RNF152: variants seen among roughly 807,000 people sequenced by gnomAD.
RNF152 encodes ring finger protein 152.
RNF152 carries 11 observed loss-of-function variants against 12.7 expected under a neutral mutation model. That is an observed-to-expected ratio of 0.86 (90% CI 0.54 to 1.43). The LOEUF (loss-of-function observed/expected upper bound fraction) is 1.43, where lower values mean the gene tolerates loss of function less well. RNF152 is among the 40% of genes most tolerant of loss of function. The pLI, the probability that RNF152 is intolerant of heterozygous loss-of-function variation, is 0.00. For missense variants in RNF152, 255 were observed against 274.8 expected (o/e 0.93, Z 0.51); for synonymous variants, 113 against 120.3 (o/e 0.94, Z 0.40).
At chr18:61,818,854 A>G (rs551888657) in intron 1 of RNF152, among the ~76,000 whole-genome samples, 70 of 152,312 alleles carry the variant, frequency 4.6e-4, no homozygotes, top group African/African-American at 1.6e-3. Context: ...TGTAACTAAG[A>G]TCTTGTCATT....
At position 61,816,525 on chromosome 18, in the gene RNF152, C is replaced by A; in HGVS notation, c.-62G>T. On this transcript the variant is annotated 5_prime_UTR_variant, in exon 2 of 2. Coordinates refer to ENST00000312828, the MANE Select transcript of RNF152 (RefSeq NM_173557.3). ...AGGGGAAGGAGCTGCTTCTCAGAGG[C>A]CACCGCCCTGTGTCTTTGCAGTGCA... 6.5e-7 allele frequency: 1 copy of A among 1,542,054 alleles called. No homozygotes were observed. Among genetic ancestry groups the A allele is most frequent in the Admixed American group, 1.8e-5 (1 of 54,494 alleles).
intron 1 of RNF152, among the ~76,000 whole-genome samples, chr18:61,837,282 T>A (rs1910231189): frequency 6.6e-6 from 1 of 152,158 alleles, no homozygotes; most frequent in African/African-American, 2.4e-5. Flanking sequence ...CAAATTTAAT[T>A]CATGAACCAC....
intron 1 of RNF152, among the ~76,000 whole-genome samples, chr18:61,870,120 A>T (rs1174710372): frequency 6.6e-6 from 1 of 152,188 alleles, no homozygotes; most frequent in East Asian, 1.9e-4. Flanking sequence ...ATTTGAAAAC[A>T]TGGAAATATT....
At chr18:61,817,998 A>G (rs1332430311) in intron 1 of RNF152, among the ~76,000 whole-genome samples, 2 of 152,210 alleles carry the variant, frequency 1.3e-5, no homozygotes, top group Non-Finnish European at 2.9e-5. Context: ...TAGAGATGGG[A>G]GCTATAACAC....
chr18:61,814,647 G>T lies in RNF152; in HGVS notation c.*1205C>A, dbSNP rs1908977538. 6.6e-6 allele frequency: 1 copy of T among 152,158 alleles called. No individual in the cohort carries two copies. The highest frequency in any genetic ancestry group is 2.4e-5 in the African/African-American group (1 of 41,424). The allele number at this position is 152,158 out of a possible 1,614,324, so 9.4% of individuals were successfully genotyped here. A position where few individuals can be genotyped will look rare whatever the true frequency, so the allele number is the denominator to read the frequency against. ...GGTAAAAACGTGTTAAAATACAGGA[G>T]ATCTTCTCTCATATCAACAAGAGGA... On this transcript the variant is annotated 3_prime_UTR_variant, in exon 2 of 2. Coordinates refer to ENST00000312828, the MANE Select transcript of RNF152 (RefSeq NM_173557.3).
At position 61,813,094 on chromosome 18, in the gene RNF152, T is replaced by C. The variant is rs1247050130; in HGVS notation, c.*2758A>G. Reference sequence around the variant, plus strand: ...TTCCAGTTGTGACTTTTCATTAATGTGCAAGTATGAATCCTGGCCTCTTGT... The same window carrying C: ...TTCCAGTTGTGACTTTTCATTAATGCGCAAGTATGAATCCTGGCCTCTTGT... On this transcript the variant is annotated 3_prime_UTR_variant, in exon 2 of 2. Transcript: ENST00000312828. The C allele has an allele frequency of 6.6e-6, 1 of 152,188 alleles. No individual in the cohort carries two copies. The allele number at this position is 152,188 out of a possible 1,614,324, so 9.4% of individuals were successfully genotyped here.
rs763827007 is a variant in RNF152, at chr18:61,857,312, C to T, written c.-136+35483G>A. 9.5e-4 allele frequency among the ~76,000 whole-genome samples: 145 copies of T among 152,308 alleles called. 2 individuals are homozygous for T. The highest frequency in any genetic ancestry group is 8.8e-4 in the Non-Finnish European group (60 of 68,034). On this transcript the variant is annotated intron_variant, in intron 1 of 1. Coordinates refer to ENST00000312828, the MANE Select transcript of RNF152 (RefSeq NM_173557.3). Reference sequence around the variant, plus strand: ...TCATGTCAAAAGCCCAGATCTTCAACGCCTGCTCTGGAAACCACACACTAT... The same window carrying T: ...TCATGTCAAAAGCCCAGATCTTCAATGCCTGCTCTGGAAACCACACACTAT...
At chr18:61,862,653 C>T (rs919169832) in intron 1 of RNF152, among the ~76,000 whole-genome samples, 4 of 152,178 alleles carry the variant, frequency 2.6e-5, no homozygotes, top group African/African-American at 9.7e-5. Flanking sequence ...ACACCCTGTC[C>T]CCCACCCCTC....
At chr18:61,888,516 G>A (rs1230554650) in intron 1 of RNF152, 1 of 152,148 alleles carries the variant, frequency 6.6e-6, no homozygotes, top group Non-Finnish European at 1.5e-5. Flanking sequence ...TGAGATATTT[G>A]ATGCTTTAAT....
chr18:61,817,234 C>A (rs1431876121), intron 1 of RNF152, among the ~76,000 whole-genome samples: 4 of 152,220 alleles, frequency 2.6e-5, no homozygotes, highest in African/African-American at 9.6e-5. Context: ...AAACCCCAAA[C>A]AGCAACAAAA....
chr18:61,887,486 A>G (rs1912752797), intron 1 of RNF152, among the ~76,000 whole-genome samples: 1 of 152,194 alleles, frequency 6.6e-6, no homozygotes. Context: ...TGGGAGCCCA[A>G]GGCGGGTGGA....
intron 1 of RNF152, among the ~76,000 whole-genome samples, chr18:61,821,298 A>G (rs767482665): frequency 2.9e-4 from 44 of 152,172 alleles, no homozygotes; most frequent in Non-Finnish European, 6.0e-4. Flanking sequence ...ACTCTATCCA[A>G]GTAAGTTCTA....
intron 1 of RNF152, among the ~76,000 whole-genome samples, chr18:61,855,831 C>T (rs1248894205): frequency 6.6e-6 from 1 of 152,188 alleles, no homozygotes; most frequent in African/African-American, 2.4e-5. Flanking sequence ...GCAGAAGGTG[C>T]CATTGGCCAC....
In RNF152 at chr18:61,879,833, C is replaced by T. The variant is rs149369104; in HGVS notation, c.-136+12962G>A. ...ATACAAAATTAGCCAGGTGTGGTGG[C>T]GCACGCCTGTAACCCCAGCTACTCA... is the stretch of plus-strand genomic sequence containing the variant. On this transcript the variant is annotated intron_variant, in intron 1 of 1. Transcript: ENST00000312828. Among the ~76,000 whole-genome samples the T allele has an allele frequency of 9.1e-3, 1,377 of 151,948 alleles. 15 individuals carry two copies. The highest frequency in any genetic ancestry group is 0.031 in the African/African-American group (1,277 of 41,412).
chr18:61,845,718 G>A (rs571929040), intron 1 of RNF152, among the ~76,000 whole-genome samples: 8 of 152,240 alleles, frequency 5.3e-5, no homozygotes, highest in South Asian at 2.1e-4. Flanking sequence ...CTGACCTCCC[G>A]TAGCAGAGGC....
At chr18:61,825,456 T>C (rs1463552707) in intron 1 of RNF152, among the ~76,000 whole-genome samples, 2 of 152,196 alleles carry the variant, frequency 1.3e-5, no homozygotes, top group African/African-American at 2.4e-5. Context: ...CCAGAGATAC[T>C]GGAGAGAGAA....
chr18:61,870,879 C>G (rs4941073), intron 1 of RNF152, among the ~76,000 whole-genome samples: 99,520 of 151,604 alleles, frequency 0.66, 32,821 homozygotes, highest in East Asian at 0.82. Flanking sequence ...ACACATTGCA[C>G]CCATGATTCC....
intron 1 of RNF152, among the ~76,000 whole-genome samples, chr18:61,876,111 C>G (rs772746862): frequency 1.3e-5 from 2 of 152,162 alleles, no homozygotes; most frequent in Non-Finnish European, 2.9e-5. Context: ...AGACAGGAGC[C>G]ACTTACCCCC....
At chr18:61,820,328 CACCAAAAAAAAAAAAAA>C (rs1266086981) in intron 1 of RNF152, among the ~76,000 whole-genome samples, 4 of 28,106 alleles carry the variant, frequency 1.4e-4, no homozygotes, top group African/African-American at 7.7e-4. Context: ...GACTCCGTCT[CACCAAAAAAAAAAAAAA>C]AAAAAAAAAA....
Sources: allele counts gnomAD v4.1 joint callset (sites outside exome capture counted in the v4.1 genomes callset), GRCh38; gene constraint gnomAD v4.1.1; transcripts MANE v1.5; gene names NCBI Gene and HGNC (gene_info 2026-07-23, HGNC 2026-07-21).